DCAF6: variants seen among roughly 807,000 people sequenced by gnomAD.
DCAF6 encodes DDB1- and CUL4-associated factor 6.
A neutral mutation model predicts 125.1 loss-of-function variants in DCAF6; 54 were observed. That is an observed-to-expected ratio of 0.43 (90% CI 0.35 to 0.54). The LOEUF (loss-of-function observed/expected upper bound fraction) is 0.54. DCAF6 is among the 20% of genes least tolerant of loss of function. DCAF6 has a pLI of 0.01. For synonymous variants in DCAF6, 371 were observed against 390.4 expected (o/e 0.95, Z 0.58); for missense variants, 934 against 1,161.7 (o/e 0.80, Z 2.85).
chr1:168,004,921 A>G (rs1328835808), intron 10 of DCAF6, 128 bp downstream of exon 10: 2 of 1,084,656 alleles, frequency 1.8e-6, no homozygotes, highest in Admixed American at 3.0e-5. Context: ...GACATGTAAT[A>G]TATGGTTATG....
In DCAF6 at chr1:167,960,824, C is replaced by T. The variant is rs186116460; in HGVS notation, c.160-5805C>T. On this transcript the variant is annotated intron_variant, in intron 2 of 21. Coordinates refer to ENST00000367840, the MANE Select transcript of DCAF6 (RefSeq NM_001198956.2). Reference sequence around the variant, plus strand: ...CTCCCTTAATATGTGTTGGCTAGCCCGAGTCTTTGGCATCTCTTATAAACT... The same window carrying T: ...CTCCCTTAATATGTGTTGGCTAGCCTGAGTCTTTGGCATCTCTTATAAACT... Among the ~76,000 whole-genome samples the T allele has an allele frequency of 1.3e-3, 192 of 152,138 alleles. 1 individual carries two copies. Among genetic ancestry groups the T allele is most frequent in the Non-Finnish European group, 1.8e-3 (121 of 68,010 alleles).
At chr1:167,866,766 A>T in the DCAF6 span, among the ~76,000 whole-genome samples, 1 of 151,098 alleles carries the variant, frequency 6.6e-6, no homozygotes, top group Non-Finnish European at 1.5e-5. Flanking sequence ...AAAAAAAAAA[A>T]GAATGGTTAT....
At chr1:167,967,714 C>CTTTTTTTTTTTTTTTTTTTTTTTTTTTT (rs552208317) in intron 3 of DCAF6, among the ~76,000 whole-genome samples, 7 of 74,578 alleles carry the variant, frequency 9.4e-5, no homozygotes, top group African/African-American at 3.2e-4. Context: ...TTTCCTGTAT[C>CTTTTTTTTTTTTTTTTTTTTTTTTTTTT]TTTTTTTTTT....
At chr1:168,023,367 G>A (rs914621547) in intron 12 of DCAF6, 17 of 399,872 alleles carry the variant, frequency 4.3e-5, no homozygotes, top group Admixed American at 1.5e-4. Context: ...GTGTAGAACT[G>A]TGGGTGTGAG....
At chr1:167,889,564 G>A in the DCAF6 span, among the ~76,000 whole-genome samples, 1 of 152,014 alleles carries the variant, frequency 6.6e-6, no homozygotes, top group African/African-American at 2.4e-5. Flanking sequence ...GTCTGGTTTT[G>A]GTATCAGGGT....
chr1:168,056,085 T>C (rs1276717164), intron 17 of DCAF6: 2 of 1,592,944 alleles, frequency 1.3e-6, no homozygotes, highest in African/African-American at 1.4e-5. Context: ...TAAAGGAGAA[T>C]AGAGTTCACT....
chr1:167,936,001 GA>G, upstream of DCAF6: 1 of 631,176 alleles, frequency 1.6e-6, no homozygotes, highest in East Asian at 2.8e-5. Context: ...GCTGTGAACC[GA>G]AAAGCTGCGG....
intron 8 of DCAF6, among the ~76,000 whole-genome samples, chr1:168,003,610 A>G (rs975150282): frequency 6.6e-6 from 1 of 152,128 alleles, no homozygotes; most frequent in African/African-American, 2.4e-5. Flanking sequence ...AGTGGTACCT[A>G]AGAATAGGCA....
intron 2 of DCAF6, among the ~76,000 whole-genome samples, chr1:167,963,760 GT>G (rs58001729): frequency 0.11 from 16,429 of 149,172 alleles, 1,003 homozygotes; most frequent in African/African-American, 0.16. Context: ...ATTTCATATA[GT>G]TTTTTTTTTC....
chr1:167,993,090 C>A, intron 6 of DCAF6, 136 bp from the exon 7 acceptor site: 1 of 784,946 alleles, frequency 1.3e-6, no homozygotes. Flanking sequence ...GGAAGAACCT[C>A]TACTGGAAAT....
At chr1:167,884,837 G>T in the DCAF6 span, among the ~76,000 whole-genome samples, 12 of 151,672 alleles carry the variant, frequency 7.9e-5, no homozygotes, top group Non-Finnish European at 1.3e-4. Context: ...AGCTGGGATT[G>T]CAGGCATGCA....
At chr1:167,943,512 T>G (rs999651551) in intron 1 of DCAF6, among the ~76,000 whole-genome samples, 1 of 152,242 alleles carries the variant, frequency 6.6e-6, no homozygotes, top group African/African-American at 2.4e-5. Flanking sequence ...ATGATATTTT[T>G]ATTTATTTTT....
At chr1:167,992,976 A>G (rs1681082682) in intron 6 of DCAF6, among the ~76,000 whole-genome samples, 1 of 152,152 alleles carries the variant, frequency 6.6e-6, no homozygotes, top group Non-Finnish European at 1.5e-5. Flanking sequence ...CATTTCAACA[A>G]AGCATACGTA....
the DCAF6 span, chr1:167,880,462 C>T: frequency 2.4e-5 from 37 of 1,537,178 alleles, no homozygotes; most frequent in East Asian, 2.2e-5. Flanking sequence ...GGTCAGGGAC[C>T]GCTGGGTGGG....
the DCAF6 span, among the ~76,000 whole-genome samples, chr1:167,913,623 A>G: frequency 2.6e-5 from 4 of 152,202 alleles, no homozygotes; most frequent in African/African-American, 7.2e-5. Flanking sequence ...CATCTTCTAC[A>G]TATCTTTGTT....
intron 1 of DCAF6, among the ~76,000 whole-genome samples, chr1:167,942,350 C>T (rs949148808): frequency 3.9e-5 from 6 of 152,278 alleles, no homozygotes; most frequent in South Asian, 2.1e-4. Flanking sequence ...AAGCATGAGC[C>T]GCTGCGCCTG....
chr1:167,865,370 T>TA, the DCAF6 span, among the ~76,000 whole-genome samples: 1 of 152,182 alleles, frequency 6.6e-6, no homozygotes, highest in Non-Finnish European at 1.5e-5. Context: ...GACATTAAAG[T>TA]AAAAATGCAA....
chr1:168,009,948 G>A (rs1417883947), intron 10 of DCAF6, among the ~76,000 whole-genome samples: 2 of 149,660 alleles, frequency 1.3e-5, no homozygotes, highest in Admixed American at 6.6e-5. Context: ...CTAAAGATAC[G>A]ATTAAAAGTG....
intron 3 of DCAF6, among the ~76,000 whole-genome samples, chr1:167,974,197 C>G (rs1677784936): frequency 6.6e-6 from 1 of 151,808 alleles, no homozygotes; most frequent in Admixed American, 6.6e-5. Flanking sequence ...ACTGTCTGTT[C>G]TGGTACCTTG....
Sources: allele counts gnomAD v4.1 joint callset (sites outside exome capture counted in the v4.1 genomes callset), GRCh38; gene constraint gnomAD v4.1.1; transcripts MANE v1.5; gene names NCBI Gene and HGNC (gene_info 2026-07-23, HGNC 2026-07-21).